The following BICD1 variants were observed in gnomAD, a reference collection of about 807,000 sequenced individuals.
The protein encoded by BICD1 is protein bicaudal D homolog 1.
In BICD1, 35 loss-of-function variants were observed where a neutral mutation model predicts 92.5. That is an observed-to-expected ratio of 0.38 (90% CI 0.29 to 0.50). BICD1 has a LOEUF of 0.50. Ranked by LOEUF, BICD1 falls within the 20% of genes least tolerant of loss-of-function variation. BICD1 has a pLI of 0.93. For synonymous variants in BICD1, 429 were observed against 465.1 expected (o/e 0.92, Z 1.00); for missense variants, 950 against 1,189.8 (o/e 0.80, Z 2.97).
chr12:32,150,466 TAGAG>T (rs1419199531), intron 1 of BICD1, among the ~76,000 whole-genome samples: 1 of 151,984 alleles, frequency 6.6e-6, no homozygotes, highest in Non-Finnish European at 1.5e-5. Context: ...CAATCAATTT[TAGAG>T]AGACAAGTGG....
At chr12:32,271,845 A>G (rs979881139) in intron 2 of BICD1, among the ~76,000 whole-genome samples, 2 of 151,932 alleles carry the variant, frequency 1.3e-5, no homozygotes, top group Non-Finnish European at 2.9e-5. Flanking sequence ...TTTCCTTTCC[A>G]TCTGTTTTTC....
At chr12:32,149,366 GTTA>G (rs1241266876) in intron 1 of BICD1, among the ~76,000 whole-genome samples, 2 of 152,142 alleles carry the variant, frequency 1.3e-5, no homozygotes, top group African/African-American at 4.8e-5. Context: ...GACTTCATAA[GTTA>G]TTAATATACA....
intron 1 of BICD1, among the ~76,000 whole-genome samples, chr12:32,175,756 T>C (rs930369605): frequency 6.6e-6 from 1 of 152,214 alleles, no homozygotes; most frequent in African/African-American, 2.4e-5. Context: ...TCAAGATGAT[T>C]TTAGTATTCA....
At chr12:32,174,972 C>T (rs1424695836) in intron 1 of BICD1, among the ~76,000 whole-genome samples, 1 of 152,064 alleles carries the variant, frequency 6.6e-6, no homozygotes, top group Non-Finnish European at 1.5e-5. Flanking sequence ...TATACCTTTC[C>T]TAAATGTTTT....
chr12:32,296,510 G>A (rs1395303158), intron 3 of BICD1, among the ~76,000 whole-genome samples: 1 of 152,108 alleles, frequency 6.6e-6, no homozygotes, highest in Non-Finnish European at 1.5e-5. Flanking sequence ...GCCCGCCTCA[G>A]CCTCCCAAAG....
At chr12:32,258,692 C>A (rs1397623600) in intron 2 of BICD1, among the ~76,000 whole-genome samples, 2 of 152,134 alleles carry the variant, frequency 1.3e-5, no homozygotes, top group Non-Finnish European at 2.9e-5. Context: ...GGGCCCTTCC[C>A]TTATAGGTAG....
intron 4 of BICD1, among the ~76,000 whole-genome samples, chr12:32,306,404 C>G (rs1004248889): frequency 6.6e-6 from 1 of 151,706 alleles, no homozygotes; most frequent in South Asian, 2.1e-4. Context: ...CCACCATGCC[C>G]GGCTAATTTT....
chr12:32,265,696 G>C (rs1946975565), intron 2 of BICD1, among the ~76,000 whole-genome samples: 1 of 147,688 alleles, frequency 6.8e-6, no homozygotes, highest in African/African-American at 2.5e-5. Flanking sequence ...ATTCAGCCTA[G>C]GTGACACAGC....
chr12:32,264,410 A>G (rs1946937433), intron 2 of BICD1, among the ~76,000 whole-genome samples: 2 of 152,234 alleles, frequency 1.3e-5, no homozygotes, highest in African/African-American at 4.8e-5. Context: ...TATGTTTACA[A>G]TACCTTCTCC....
At chr12:32,215,946 T>C (rs1592492051) in intron 1 of BICD1, among the ~76,000 whole-genome samples, 2 of 90,650 alleles carry the variant, frequency 2.2e-5, no homozygotes, top group African/African-American at 4.7e-5. Flanking sequence ...AGAGCGAGAC[T>C]CCGTCTCAAA....
Position 32,107,366 on chromosome 12 carries a change from AT to A in BICD1, c.37del (p.Tyr13IlefsTer5). ...GAAGAGGTATTGCAGACGGTGGACCATTATAAGACTGAGATAGAGAGGCTAA... is the reference window on the plus strand; with the variant it reads ...GAAGAGGTATTGCAGACGGTGGACCATATAAGACTGAGATAGAGAGGCTAA... Reference protein sequence around the residue: ...AAEEVLQTVDHYKTEIERLTK... With the variant: ...AAEEVLQTVDXYKTEIERLTK... On this transcript the variant is annotated frameshift_variant, in exon 1 of 10. Coordinates refer to ENST00000652176, the MANE Select transcript of BICD1 (RefSeq NM_001714.4). LOFTEE classifies it high-confidence loss of function. 6.2e-7 allele frequency: 1 copy of A among 1,609,878 alleles called. No individual in the cohort carries two copies. The highest frequency in any genetic ancestry group is 8.5e-7 in the Non-Finnish European group (1 of 1,178,420).
At chr12:32,309,731 C>T (rs150040268) in intron 4 of BICD1, among the ~76,000 whole-genome samples, 1 of 152,254 alleles carries the variant, frequency 6.6e-6, no homozygotes, top group East Asian at 1.9e-4. Context: ...TTGCGCACCT[C>T]AGCTTACAGT....
At chr12:32,190,677 G>A (rs953544296) in intron 1 of BICD1, among the ~76,000 whole-genome samples, 1 of 152,196 alleles carries the variant, frequency 6.6e-6, no homozygotes, top group African/African-American at 2.4e-5. Context: ...CCTTTCAACA[G>A]TGGGTAGATT....
intron 1 of BICD1, among the ~76,000 whole-genome samples, chr12:32,128,919 T>G (rs1942438591): frequency 6.6e-6 from 1 of 151,408 alleles, no homozygotes. Flanking sequence ...ACTACAGGCA[T>G]GCACCACCAT....
chr12:32,318,624 G>A (rs1184230521), intron 4 of BICD1, among the ~76,000 whole-genome samples: 1 of 152,184 alleles, frequency 6.6e-6, no homozygotes, highest in Non-Finnish European at 1.5e-5. Flanking sequence ...GGAGGCCTAG[G>A]CAGGTGGATC....
At position 32,216,435 on chromosome 12, in the gene BICD1, C is replaced by T. The variant is rs760642420; in HGVS notation, c.402C>T (p.Thr134=). ...TACAGGCAGAAAACGAGAGGCTCACCGCAGTCGTGCAGGATCTGAAGGAGG... is the reference window on the plus strand; with the variant it reads ...TACAGGCAGAAAACGAGAGGCTCACTGCAGTCGTGCAGGATCTGAAGGAGG... ...TNVQAENERL[T]AVVQDLKENN... is the part of the protein sequence containing the mutation. The change falls in exon 2 of 10, where the codon ACC becomes ACT. Residue 134 remains threonine (T), a synonymous_variant. Coordinates refer to ENST00000652176, the MANE Select transcript of BICD1 (RefSeq NM_001714.4). The T allele has an allele frequency of 2.5e-6, 4 of 1,613,972 alleles. No homozygotes were observed. Among genetic ancestry groups the T allele is most frequent in the East Asian group, 2.2e-5 (1 of 44,890 alleles).
intron 2 of BICD1, among the ~76,000 whole-genome samples, chr12:32,266,169 C>T (rs1013631813): frequency 2.6e-5 from 4 of 152,142 alleles, no homozygotes; most frequent in African/African-American, 7.2e-5. Context: ...TTCTATCATA[C>T]ATAGACTGTC....
In BICD1 at chr12:32,243,264, ATT is replaced by A. The variant is rs71068310; in HGVS notation, c.426+26825_426+26826del. Reference sequence around the variant, plus strand: ...AGGCACGCCCCACCATGCCTGGCTAATTTTTTTTTTTTTTTTTTTTTGTATTT... The same window carrying A: ...AGGCACGCCCCACCATGCCTGGCTAATTTTTTTTTTTTTTTTTTTGTATTT... On this transcript the variant is annotated intron_variant, in intron 2 of 9. Transcript: ENST00000652176. Among the ~76,000 whole-genome samples, 366 of 74,032 alleles carry A rather than the reference ATT, an allele frequency of 4.9e-3. 2 individuals carry two copies. The highest frequency in any genetic ancestry group is 0.02 in the African/African-American group (332 of 16,280). 48.6% of individuals were successfully genotyped at this position (74,032 alleles called of 152,430 possible). A position where few individuals can be genotyped will look rare whatever the true frequency, so the allele number is the denominator to read the frequency against.
intron 2 of BICD1, among the ~76,000 whole-genome samples, chr12:32,247,503 G>A (rs1055963953): frequency 6.6e-6 from 1 of 152,174 alleles, no homozygotes; most frequent in South Asian, 2.1e-4. Flanking sequence ...GTTGGGCCGG[G>A]CATGGTGGCT....
Sources: allele counts gnomAD v4.1 joint callset (sites outside exome capture counted in the v4.1 genomes callset), GRCh38; gene constraint gnomAD v4.1.1; transcripts MANE v1.5; gene names NCBI Gene and HGNC (gene_info 2026-07-23, HGNC 2026-07-21).